Variants in GRID2 observed in about 807,000 individuals in gnomAD.
GRID2 encodes the protein glutamate receptor ionotropic, delta-2.
In GRID2, 33 loss-of-function variants were observed where a neutral mutation model predicts 114.8. The ratio of observed to expected loss-of-function variants is 0.29; its 90% CI spans 0.22 to 0.38. The LOEUF (loss-of-function observed/expected upper bound fraction) is 0.38, where lower values mean the gene tolerates loss of function less well. Ranked by LOEUF, GRID2 falls within the 10% of genes least tolerant of loss-of-function variation. The pLI, the probability that GRID2 is intolerant of heterozygous loss-of-function variation, is 1.00. For synonymous variants in GRID2, 505 were observed against 449.9 expected (o/e 1.12, Z -1.55); for missense variants, 1,184 against 1,257.7 (o/e 0.94, Z 0.89).
At chr4:92,452,372 C>T in intron 1 of GRID2, among the ~76,000 whole-genome samples, 1 of 150,206 alleles carries the variant, frequency 6.7e-6, no homozygotes, top group Non-Finnish European at 1.5e-5. Context: ...GGCTGGAGTG[C>T]AGTGGCACGA....
chr4:93,470,751 A>G (rs1724724525), intron 11 of GRID2, among the ~76,000 whole-genome samples: 1 of 152,186 alleles, frequency 6.6e-6, no homozygotes, highest in Non-Finnish European at 1.5e-5. Context: ...TGTAATGCAC[A>G]GATGGCAGAA....
intron 4 of GRID2, among the ~76,000 whole-genome samples, chr4:93,172,498 A>C (rs1034704321): frequency 1.6e-4 from 25 of 152,068 alleles, no homozygotes; most frequent in South Asian, 4.1e-4. Context: ...AGGCTGAGGC[A>C]GGAGAATCAC....
intron 2 of GRID2, among the ~76,000 whole-genome samples, chr4:92,965,461 AAAAAAAAAAAAAAAAAAAAAAAAAAAAAC>A (rs1351550115): frequency 1.3e-4 from 4 of 31,140 alleles, no homozygotes; most frequent in African/African-American, 6.4e-4. Flanking sequence ...AAAAAAAAAA[AAAAAAAAAAAAAAAAAAAAAAAAAAAAAC>A]ACACAACATC....
At chr4:92,572,082 A>T (rs1158366427) in intron 1 of GRID2, among the ~76,000 whole-genome samples, 1 of 152,034 alleles carries the variant, frequency 6.6e-6, no homozygotes, top group South Asian at 2.1e-4. Flanking sequence ...TCAAAAAATT[A>T]ATGAATCCAG....
intron 10 of GRID2, among the ~76,000 whole-genome samples, chr4:93,425,856 G>A (rs541285838): frequency 1.3e-5 from 2 of 152,088 alleles, no homozygotes; most frequent in South Asian, 2.1e-4. Context: ...GCTCTACCCC[G>A]TGCAGTTATT....
chr4:92,657,586 G>C (rs1293576116), intron 2 of GRID2, among the ~76,000 whole-genome samples: 1 of 151,214 alleles, frequency 6.6e-6, no homozygotes, highest in Non-Finnish European at 1.5e-5. Context: ...TTAGAATTAA[G>C]CGTGTGTCAT....
intron 2 of GRID2, among the ~76,000 whole-genome samples, chr4:93,003,442 C>G (rs1721203893): frequency 6.6e-6 from 1 of 151,968 alleles, no homozygotes; most frequent in Admixed American, 6.6e-5. Context: ...CTACATCTAT[C>G]TAAATTGAGA....
In GRID2 at chr4:92,822,381, GC is replaced by G. The variant is rs1741350419; in HGVS notation, c.244+232096del. The G allele has an allele frequency of 6.6e-6, 4 of 608,936 alleles. No individual in the cohort carries two copies. In the Admixed American group the frequency reaches 7.5e-5, roughly 11 times the overall value. The allele number at this position is 608,936 out of a possible 1,614,324, so 37.7% of individuals were successfully genotyped here. On this transcript the variant is annotated intron_variant, in intron 2 of 15. Coordinates refer to ENST00000282020, the MANE Select transcript of GRID2 (RefSeq NM_001510.4). ...GTGTGGCCAAAGTGGTTCATCTTCA[GC>G]TTGCAGTTAGCCAGATTCCGTACCT...
At chr4:92,555,663 T>A (rs1726815661) in intron 1 of GRID2, among the ~76,000 whole-genome samples, 1 of 152,198 alleles carries the variant, frequency 6.6e-6, no homozygotes, top group African/African-American at 2.4e-5. Context: ...CTGTGGTTTG[T>A]CAGAAGTAAA....
chr4:92,766,304 C>T (rs1560579848), intron 2 of GRID2, among the ~76,000 whole-genome samples: 1 of 151,800 alleles, frequency 6.6e-6, no homozygotes, highest in Admixed American at 6.6e-5. Context: ...TTTGGGAGGC[C>T]GAGGTGGGAG....
At chr4:93,546,818 T>C (rs980371241) in intron 13 of GRID2, among the ~76,000 whole-genome samples, 2 of 152,180 alleles carry the variant, frequency 1.3e-5, no homozygotes, top group African/African-American at 4.8e-5. Flanking sequence ...TTATATTCTT[T>C]AAAGAGTAAT....
intron 2 of GRID2, among the ~76,000 whole-genome samples, chr4:92,654,323 T>C (rs1024893434): frequency 6.6e-6 from 1 of 151,968 alleles, no homozygotes; most frequent in Admixed American, 6.6e-5. Context: ...TCTCATGAGG[T>C]CATTTAACCA....
At chr4:93,177,522 C>G (rs1448388100) in intron 4 of GRID2, among the ~76,000 whole-genome samples, 1 of 152,130 alleles carries the variant, frequency 6.6e-6, no homozygotes, top group African/African-American at 2.4e-5. Flanking sequence ...ATATCCGATT[C>G]TTGAGCAAAA....
At chr4:92,898,829 C>T (rs1464366998) in intron 2 of GRID2, among the ~76,000 whole-genome samples, 1 of 152,054 alleles carries the variant, frequency 6.6e-6, no homozygotes, top group South Asian at 2.1e-4. Flanking sequence ...TGCATGGTTA[C>T]TCGAAAGCAG....
At chr4:93,104,063 G>T (rs1028771509) in intron 3 of GRID2, among the ~76,000 whole-genome samples, 1 of 151,902 alleles carries the variant, frequency 6.6e-6, no homozygotes, top group Non-Finnish European at 1.5e-5. Context: ...AGTAGTCTTT[G>T]GTGTCTATTG....
At chr4:93,281,255 C>T (rs573230406) in intron 8 of GRID2, among the ~76,000 whole-genome samples, 1 of 151,442 alleles carries the variant, frequency 6.6e-6, no homozygotes, top group South Asian at 2.1e-4. Context: ...TTACAGTGAT[C>T]AGAGGAAAAT....
chr4:92,434,145 C>T (rs6532369), intron 1 of GRID2, among the ~76,000 whole-genome samples: 150,058 of 152,338 alleles, frequency 0.99, 73,920 homozygotes, highest in East Asian at 1. Context: ...CCAAGTGGAG[C>T]GGCTATTCCA....
At chr4:92,677,757 C>T (rs903028788) in intron 2 of GRID2, among the ~76,000 whole-genome samples, 2 of 152,010 alleles carry the variant, frequency 1.3e-5, no homozygotes, top group Non-Finnish European at 2.9e-5. Flanking sequence ...TCACTTCTAC[C>T]CTGTTCCAAA....
intron 9 of GRID2, among the ~76,000 whole-genome samples, chr4:93,422,472 A>G (rs1768384642): frequency 6.6e-6 from 1 of 152,184 alleles, no homozygotes; most frequent in South Asian, 2.1e-4. Flanking sequence ...TTTATTATTA[A>G]GGAGTCTCAG....
Sources: allele counts gnomAD v4.1 joint callset (sites outside exome capture counted in the v4.1 genomes callset), GRCh38; gene constraint gnomAD v4.1.1; transcripts MANE v1.5; gene names NCBI Gene and HGNC (gene_info 2026-07-23, HGNC 2026-07-21).